The following CSMD3 variants were observed in gnomAD, a reference collection of about 807,000 sequenced individuals.
CSMD3 encodes CUB and sushi domain-containing protein 3.
A neutral mutation model predicts 435.2 loss-of-function variants in CSMD3; 177 were observed. The observed-to-expected ratio is 0.41, with a 90% CI of 0.36 to 0.46. The LOEUF (loss-of-function observed/expected upper bound fraction) is 0.46, where lower values mean the gene tolerates loss of function less well. Among genes scored for constraint, CSMD3 ranks in the 20% least tolerant of loss-of-function variants. The pLI, the probability that CSMD3 is intolerant of heterozygous loss-of-function variation, is 0.34. For synonymous variants in CSMD3, 1,656 were observed against 1,520.5 expected, an observed-to-expected ratio of 1.09 and a Z score of -2.07; for missense variants, 4,265 against 4,504.6, an observed-to-expected ratio of 0.95 and a Z score of 1.52.
chr8:113,387,526 A>G (rs1418534168), intron 1 of CSMD3, among the ~76,000 whole-genome samples: 1 of 151,824 alleles, frequency 6.6e-6, no homozygotes, highest in Non-Finnish European at 1.5e-5. Context: ...AGTGAAGAAC[A>G]GAAACAAGGG....
intron 35 of CSMD3, among the ~76,000 whole-genome samples, chr8:112,392,441 T>C (rs1830500104): frequency 6.6e-6 from 1 of 152,120 alleles, no homozygotes; most frequent in Non-Finnish European, 1.5e-5. Context: ...CAAATTCTGT[T>C]TAAATTAGTC....
At chr8:113,088,410 C>A (rs1033107999) in intron 5 of CSMD3, among the ~76,000 whole-genome samples, 103 of 147,660 alleles carry the variant, frequency 7.0e-4, no homozygotes, top group African/African-American at 2.4e-3. Flanking sequence ...CACATGCACA[C>A]GTATGTTTAT....
At chr8:112,627,559 C>T (rs900640121) in intron 22 of CSMD3, among the ~76,000 whole-genome samples, 2 of 152,150 alleles carry the variant, frequency 1.3e-5, no homozygotes, top group Non-Finnish European at 2.9e-5. Context: ...TATCTTTGAA[C>T]TTACCAATTA....
At chr8:112,488,946 A>C (rs928505801) in intron 31 of CSMD3, among the ~76,000 whole-genome samples, 2 of 152,208 alleles carry the variant, frequency 1.3e-5, no homozygotes, top group Non-Finnish European at 2.9e-5. Flanking sequence ...GAGAGGGATA[A>C]GGCAGATGAC....
In CSMD3 at chr8:112,224,386, G is replaced by A; in HGVS notation, c.*385C>T. On this transcript the variant is annotated 3_prime_UTR_variant, in exon 71 of 71. Transcript: ENST00000297405. The stretch of plus-strand genomic sequence containing the variant: ...GTCAGTGATCTATTGACTCTTGTAA[G>A]TATAGCTCTTATTTCTACCCTATAT... 3.5e-6 allele frequency: 1 copy of A among 287,332 alleles called. No individual in the cohort carries two copies. Among genetic ancestry groups the A allele is most frequent in the South Asian group, 3.6e-5 (1 of 27,704 alleles). The allele number at this position is 287,332 out of a possible 1,614,324, so 17.8% of individuals were successfully genotyped here. A position where few individuals can be genotyped will look rare whatever the true frequency, so the allele number is the denominator to read the frequency against.
chr8:112,975,876 T>C lies in CSMD3; in HGVS notation c.1303A>G (p.Ile435Val). Residue 435 changes from isoleucine to valine, a missense_variant, in exon 7 of 71, where the codon ATA (isoleucine) becomes GTA (valine). Transcript: ENST00000297405. ...ACTGCAAGCTCTTTAGTTCTTTCTATCTGTTCAGCATGTCTTGGTCTTCTC... is the reference window on the plus strand; with the variant it reads ...ACTGCAAGCTCTTTAGTTCTTTCTACCTGTTCAGCATGTCTTGGTCTTCTC... ...TRRRPRHAEQ[I>V]ERTKELAVVT... The C allele has an allele frequency of 1.2e-6, 2 of 1,613,834 alleles. No homozygotes were observed. Among genetic ancestry groups the C allele is most frequent in the Non-Finnish European group, 1.7e-6 (2 of 1,179,888 alleles).
intron 31 of CSMD3, among the ~76,000 whole-genome samples, chr8:112,476,491 TA>T (rs1698529129): frequency 6.6e-6 from 1 of 152,176 alleles, no homozygotes. Context: ...CTCACAAACT[TA>T]TTTGACCATG....
chr8:113,003,873 G>T (rs565259145), intron 6 of CSMD3, among the ~76,000 whole-genome samples: 1 of 151,816 alleles, frequency 6.6e-6, no homozygotes, highest in Non-Finnish European at 1.5e-5. Context: ...GTATAGCTTT[G>T]TCAATGTATC....
At chr8:112,408,720 C>G (rs1483329412) in intron 33 of CSMD3, among the ~76,000 whole-genome samples, 199 bp downstream of exon 33, 2 of 151,766 alleles carry the variant, frequency 1.3e-5, no homozygotes, top group Non-Finnish European at 2.9e-5. Context: ...TGGTTACAAT[C>G]CCAGAGAATA....
At chr8:112,804,665 ATT>A (rs1352937283) in intron 12 of CSMD3, among the ~76,000 whole-genome samples, 1 of 149,124 alleles carries the variant, frequency 6.7e-6, no homozygotes, top group Non-Finnish European at 1.5e-5. Flanking sequence ...ATTTTATTTT[ATT>A]TTATTTTATT....
At chr8:113,088,795 G>A (rs1478497778) in intron 5 of CSMD3, among the ~76,000 whole-genome samples, 1 of 151,030 alleles carries the variant, frequency 6.6e-6, no homozygotes, top group Admixed American at 6.6e-5. Context: ...CACCAGTATG[G>A]CACATGTATA....
At chr8:113,128,973 C>T (rs1161388068) in intron 4 of CSMD3, among the ~76,000 whole-genome samples, 1 of 152,038 alleles carries the variant, frequency 6.6e-6, no homozygotes, top group African/African-American at 2.4e-5. Context: ...TTTACTGAAA[C>T]ATTTAAAGAA....
chr8:113,233,184 C>T (rs1052124159), intron 3 of CSMD3, among the ~76,000 whole-genome samples: 16 of 151,496 alleles, frequency 1.1e-4, no homozygotes, highest in African/African-American at 3.6e-4. Flanking sequence ...TATTTCCAAT[C>T]GATAACTCAT....
At chr8:112,476,469 A>G (rs982951919) in intron 31 of CSMD3, among the ~76,000 whole-genome samples, 4 of 152,200 alleles carry the variant, frequency 2.6e-5, no homozygotes, top group Admixed American at 1.3e-4. Context: ...TTTAGGGAAT[A>G]TCATGCTATT....
intron 1 of CSMD3, among the ~76,000 whole-genome samples, chr8:113,412,831 C>G (rs1563797211): frequency 6.6e-6 from 1 of 151,896 alleles, no homozygotes; most frequent in Non-Finnish European, 1.5e-5. Flanking sequence ...AACCAAAGCA[C>G]GGATGCATTA....
intron 6 of CSMD3, among the ~76,000 whole-genome samples, chr8:112,979,254 A>G (rs963758506): frequency 2.0e-5 from 3 of 151,834 alleles, no homozygotes; most frequent in Non-Finnish European, 4.4e-5. Flanking sequence ...AGAAAGTATA[A>G]ATGCATCTAA....
chr8:112,961,339 C>A (rs900786688), intron 7 of CSMD3, among the ~76,000 whole-genome samples: 3 of 151,654 alleles, frequency 2.0e-5, no homozygotes, highest in Non-Finnish European at 4.4e-5. Flanking sequence ...AGAAACCTCT[C>A]CAAAACTTTG....
chr8:112,573,392 G>A (rs1315538428), intron 24 of CSMD3, 109 bp downstream of exon 24: 2 of 985,400 alleles, frequency 2.0e-6, no homozygotes, highest in African/African-American at 1.6e-5. Flanking sequence ...GAAAGGAGCT[G>A]TAAATTAATA....
At chr8:112,726,382 C>A (rs1312323411) in intron 13 of CSMD3, among the ~76,000 whole-genome samples, 1 of 151,876 alleles carries the variant, frequency 6.6e-6, no homozygotes, top group East Asian at 1.9e-4. Flanking sequence ...ATCACCTCTG[C>A]TTCCTCCTAA....
Sources: allele counts gnomAD v4.1 joint callset (sites outside exome capture counted in the v4.1 genomes callset), GRCh38; gene constraint gnomAD v4.1.1; transcripts MANE v1.5; gene names NCBI Gene and HGNC (gene_info 2026-07-23, HGNC 2026-07-21).